Variants in MACC1 observed in about 807,000 individuals in gnomAD.
MACC1 encodes MET transcriptional regulator MACC1.
A neutral mutation model predicts 70.7 loss-of-function variants in MACC1; 79 were observed. That is an observed-to-expected ratio of 1.12 (90% confidence interval 0.93 to 1.35). The LOEUF is 1.35. MACC1 is among the 40% of genes most tolerant of loss of function. The pLI, the probability that MACC1 is intolerant of heterozygous loss-of-function variation, is 0.00. For missense variants in MACC1, 1,106 were observed against 978.1 expected, an observed-to-expected ratio of 1.13 and a Z score of -1.74; for synonymous variants, 361 against 347.2, an observed-to-expected ratio of 1.04 and a Z score of -0.44.
At chr7:20,175,470 A>T (rs991473856) in intron 1 of MACC1, among the ~76,000 whole-genome samples, 1 of 152,122 alleles carries the variant, frequency 6.6e-6, no homozygotes, top group African/African-American at 2.4e-5. Flanking sequence ...AAAAACACTT[A>T]TAGGTTATTT....
intron 1 of MACC1, among the ~76,000 whole-genome samples, chr7:20,172,727 C>A (rs1782327306): frequency 6.6e-6 from 1 of 152,158 alleles, no homozygotes; most frequent in Non-Finnish European, 1.5e-5. Context: ...CATCACTTAA[C>A]CGCCCAAAGT....
chr7:20,166,256 G>A (rs1460243236), intron 2 of MACC1, among the ~76,000 whole-genome samples: 2 of 152,178 alleles, frequency 1.3e-5, no homozygotes, highest in Non-Finnish European at 2.9e-5. Flanking sequence ...ATAGGTGACA[G>A]GAGAGCAACT....
intron 6 of MACC1, among the ~76,000 whole-genome samples, chr7:20,147,129 A>C (rs1323952947): frequency 6.6e-6 from 1 of 152,240 alleles, no homozygotes; most frequent in Non-Finnish European, 1.5e-5. Context: ...AGCAATAAAA[A>C]GTAATAAGTG....
intron 5 of MACC1, among the ~76,000 whole-genome samples, chr7:20,154,859 C>T (rs781616077): frequency 6.6e-6 from 1 of 151,416 alleles, no homozygotes; most frequent in African/African-American, 2.4e-5. Context: ...CTATTTTCAC[C>T]AAAATATGAC....
In MACC1 at chr7:20,154,337, G is replaced by T; in HGVS notation, c.2202C>A (p.Ile734=). ...CTGAAGTCAGAACAGCAGCTTCTTG[G>T]ATGAGACGTGCGACTAACTCTTGGC... The part of the protein sequence containing the change: ...MDCQELVARL[I]QEAAVLTSAV... Residue 734 remains isoleucine (I), a synonymous_variant, in exon 6 of 7, where the codon ATC becomes ATA. Transcript: ENST00000400331. 1 of 1,613,906 alleles carries T rather than the reference G, an allele frequency of 6.2e-7. No individual in the cohort carries two copies.
intron 1 of MACC1, among the ~76,000 whole-genome samples, chr7:20,203,194 T>C (rs1782857647): frequency 6.6e-6 from 1 of 152,170 alleles, no homozygotes; most frequent in Non-Finnish European, 1.5e-5. Context: ...TAAATTTTCA[T>C]CAGCACCAAT....
In MACC1 at chr7:20,154,362, C is replaced by T; in HGVS notation, c.2177G>A (p.Cys726Tyr). The T allele has an allele frequency of 1.2e-6, 2 of 1,613,478 alleles. No homozygotes were observed. The highest frequency in any genetic ancestry group is 1.7e-6 in the Non-Finnish European group (2 of 1,179,640). ...GATGAGACGTGCGACTAACTCTTGG[C>T]AATCCATTTTCAGAAGAGCCTGCAG... is the stretch of plus-strand genomic sequence containing the variant. ...ELIVALLKMD[C>Y]QELVARLIQE... The change falls in exon 6 of 7, where the codon TGC becomes TAC. Residue 726 changes from cysteine to tyrosine, a missense_variant. Transcript: ENST00000400331.
intron 2 of MACC1, chr7:20,170,301 T>G (rs1339947162): frequency 6.6e-6 from 1 of 152,220 alleles, no homozygotes; most frequent in Non-Finnish European, 1.5e-5. Context: ...AAAAAATTGT[T>G]GTAAATATTG....
intron 1 of MACC1, among the ~76,000 whole-genome samples, chr7:20,191,834 C>A (rs1164203804): frequency 6.6e-6 from 1 of 152,140 alleles, no homozygotes; most frequent in African/African-American, 2.4e-5. Context: ...GGACAGAAAT[C>A]GACGCTGAAG....
chr7:20,152,399 C>T (rs1287783320), intron 6 of MACC1, among the ~76,000 whole-genome samples: 1 of 152,058 alleles, frequency 6.6e-6, no homozygotes, highest in Non-Finnish European at 1.5e-5. Context: ...AATCTCCTCC[C>T]AAAGAGAAAA....
chr7:20,171,801 C>T (rs1462175644), intron 1 of MACC1, among the ~76,000 whole-genome samples: 3 of 152,198 alleles, frequency 2.0e-5, no homozygotes, highest in East Asian at 1.9e-4. Context: ...AAGCTGGTCT[C>T]GAACTCCCTA....
At chr7:20,208,446 A>T (rs946368958) in intron 1 of MACC1, among the ~76,000 whole-genome samples, 5 of 152,096 alleles carry the variant, frequency 3.3e-5, no homozygotes, top group African/African-American at 1.2e-4. Context: ...GAAATGAGGA[A>T]CTCATAGGGA....
chr7:20,169,190 C>T (rs1047414642), intron 2 of MACC1, among the ~76,000 whole-genome samples: 6 of 152,178 alleles, frequency 3.9e-5, no homozygotes, highest in African/African-American at 1.4e-4. Flanking sequence ...ATAAAATATT[C>T]CCAGTGATAT....
At chr7:20,162,520 C>G (rs371260462) in intron 3 of MACC1, among the ~76,000 whole-genome samples, 18 of 152,052 alleles carry the variant, frequency 1.2e-4, no homozygotes, top group African/African-American at 4.3e-4. Context: ...AACTGCACTA[C>G]CTATCAGATA....
intron 6 of MACC1, among the ~76,000 whole-genome samples, chr7:20,144,248 G>A (rs951153658): frequency 1.3e-5 from 2 of 152,128 alleles, no homozygotes; most frequent in Non-Finnish European, 2.9e-5. Context: ...CTTGCTTTTA[G>A]AAGCTTATAG....
chr7:20,143,091 A>C (rs1781830742), intron 6 of MACC1, among the ~76,000 whole-genome samples: 2 of 152,204 alleles, frequency 1.3e-5, no homozygotes, highest in Admixed American at 1.3e-4. Flanking sequence ...ACAGATTCAA[A>C]TACTTTTACA....
At chr7:20,158,098 CTG>C (rs1478579439) in intron 5 of MACC1, 104 bp downstream of exon 5, 20 of 1,332,986 alleles carry the variant, frequency 1.5e-5, no homozygotes, top group Non-Finnish European at 1.0e-6. Flanking sequence ...GTATTTAAGA[CTG>C]TTGAATTTTT....
At chr7:20,168,988 C>T (rs1196672041) in intron 2 of MACC1, among the ~76,000 whole-genome samples, 3 of 152,084 alleles carry the variant, frequency 2.0e-5, no homozygotes, top group African/African-American at 4.8e-5. Flanking sequence ...TAAAATGTAG[C>T]CTGAGCAGAA....
Position 20,158,195 on chromosome 7 carries a change from A to G in MACC1, c.2157+9T>C. 1 of 1,547,900 alleles carries G rather than the reference A, an allele frequency of 6.5e-7. No individual in the cohort carries two copies. Among genetic ancestry groups the G allele is most frequent in the South Asian group, 1.3e-5 (1 of 77,956 alleles). Reference sequence around the variant, plus strand: ...TGGCAATTCATTACCATGATCAAGCAATACTCACCACAATAAGTTCATACA... The same window carrying G: ...TGGCAATTCATTACCATGATCAAGCGATACTCACCACAATAAGTTCATACA... On this transcript the variant is annotated intron_variant, in intron 5 of 6. Coordinates refer to ENST00000400331, the MANE Select transcript of MACC1 (RefSeq NM_182762.4).
Sources: allele counts gnomAD v4.1 joint callset (sites outside exome capture counted in the v4.1 genomes callset), GRCh38; gene constraint gnomAD v4.1.1; transcripts MANE v1.5; gene names NCBI Gene and HGNC (gene_info 2026-07-23, HGNC 2026-07-21).